Variants in ORC5 observed in about 807,000 individuals in gnomAD.
ORC5 encodes the protein protein phosphatase 1, regulatory subunit 117.
ORC5 carries 39 observed loss-of-function variants against 58.8 expected under a neutral mutation model. That is an observed-to-expected ratio of 0.66 (90% CI 0.51 to 0.87). ORC5 has a LOEUF of 0.87. Ranked by LOEUF, ORC5 falls within the 40% of genes least tolerant of loss-of-function variation. ORC5 has a pLI of 0.00. For synonymous variants in ORC5, 218 were observed against 177.6 expected (o/e 1.23, Z -1.81); for missense variants, 493 against 506.3 (o/e 0.97, Z 0.25).
intron 8 of ORC5, among the ~76,000 whole-genome samples, chr7:104,173,881 G>A (rs1404445662): frequency 1.6e-5 from 2 of 121,682 alleles, no homozygotes; most frequent in African/African-American, 6.0e-5. Flanking sequence ...GTCTCGCTCT[G>A]TCGCCCAGGC....
intron 12 of ORC5, among the ~76,000 whole-genome samples, chr7:104,151,099 T>C (rs1488744496): frequency 6.6e-6 from 1 of 152,076 alleles, no homozygotes; most frequent in Non-Finnish European, 1.5e-5. Flanking sequence ...TTGTGAATGG[T>C]ATATATGGTG....
At chr7:104,199,655 A>G (rs1308646111) in intron 3 of ORC5, among the ~76,000 whole-genome samples, 2 of 152,232 alleles carry the variant, frequency 1.3e-5, no homozygotes, top group African/African-American at 4.8e-5. Context: ...TTTTGATTTT[A>G]TAGGCTCATA....
At chr7:104,160,400 T>C (rs759987968) in intron 12 of ORC5, among the ~76,000 whole-genome samples, 6 of 152,196 alleles carry the variant, frequency 3.9e-5, no homozygotes, top group Non-Finnish European at 8.8e-5. Flanking sequence ...TGCTTTTAAA[T>C]AAATACTAGT....
At chr7:104,160,622 A>G (rs753265322) in intron 12 of ORC5, among the ~76,000 whole-genome samples, 1 of 152,084 alleles carries the variant, frequency 6.6e-6, no homozygotes, top group Admixed American at 6.6e-5. Context: ...CTGAGAACTT[A>G]ATTATTCTGG....
chr7:104,141,557 C>G (rs1205273733), intron 12 of ORC5, among the ~76,000 whole-genome samples: 1 of 152,120 alleles, frequency 6.6e-6, no homozygotes, highest in Non-Finnish European at 1.5e-5. Context: ...AATCTTTCAG[C>G]CACACAGGGA....
At chr7:104,166,663 G>T in intron 10 of ORC5, 109 bp downstream of exon 10, 2 of 632,232 alleles carry the variant, frequency 3.2e-6, no homozygotes, top group East Asian at 2.6e-5. Context: ...ATACATATTT[G>T]GCAATCTTAT....
At chr7:104,149,825 T>C (rs969561968) in intron 12 of ORC5, among the ~76,000 whole-genome samples, 6 of 152,316 alleles carry the variant, frequency 3.9e-5, no homozygotes, top group Admixed American at 2.6e-4. Flanking sequence ...TATATATTCC[T>C]TTTCCTTTGA....
chr7:104,171,160 T>C (rs1246709551), intron 8 of ORC5, among the ~76,000 whole-genome samples: 1 of 152,230 alleles, frequency 6.6e-6, no homozygotes, highest in Admixed American at 6.5e-5. Flanking sequence ...AAAATGCTTT[T>C]TAAACAAACC....
chr7:104,164,943 A>C (rs1337009335), intron 11 of ORC5, among the ~76,000 whole-genome samples: 1 of 152,146 alleles, frequency 6.6e-6, no homozygotes, highest in Non-Finnish European at 1.5e-5. Context: ...AAAAGAGGAA[A>C]ATGCCTGTAT....
rs973976243 is a variant in ORC5 at position 104,133,163 on chromosome 7, T to C, written c.1262+3618A>G. Among the ~76,000 whole-genome samples the C allele has an allele frequency of 1.3e-5, 2 of 152,196 alleles. No individual in the cohort carries two copies. Among genetic ancestry groups the C allele is most frequent in the African/African-American group, 4.8e-5 (2 of 41,424 alleles). The stretch of plus-strand genomic sequence containing the variant: ...ATGGGAAACTACTGAATATTTTTAA[T>C]GAGCAGGGTGACATTAAATTTTTAT... On this transcript the variant is annotated intron_variant, in intron 13 of 13. Transcript: ENST00000297431. This position sits in a 1 kb window ranked among gnomAD's most constrained non-coding sequence, Gnocchi z 4.7.
rs193282764 is a variant in ORC5, at chr7:104,144,048, G to A, written c.1150-7155C>T. ...GCATGAGAATTGCTTGAACCCAGGG[G>A]GTGGAGGTTGCAGTGAGCTGAGATC... is the stretch of plus-strand genomic sequence containing the variant. On this transcript the variant is annotated intron_variant, in intron 12 of 13. Coordinates refer to ENST00000297431, the MANE Select transcript of ORC5 (RefSeq NM_002553.4). Among the ~76,000 whole-genome samples the A allele has an allele frequency of 5.0e-3, 758 of 152,186 alleles. 10 individuals carry two copies. Among genetic ancestry groups the A allele is most frequent in the African/African-American group, 0.017 (703 of 41,524 alleles).
intron 4 of ORC5, among the ~76,000 whole-genome samples, chr7:104,196,218 G>A (rs962917088): frequency 3.3e-5 from 5 of 152,142 alleles, no homozygotes; most frequent in African/African-American, 9.7e-5. Context: ...AAAAAACAGG[G>A]TGATCTACAC....
intron 11 of ORC5, among the ~76,000 whole-genome samples, chr7:104,162,808 C>T (rs997738031): frequency 1.3e-5 from 2 of 152,210 alleles, no homozygotes; most frequent in East Asian, 1.9e-4. Context: ...CCTCTCCCAT[C>T]CTATTCTCCC....
At chr7:104,179,747 G>A (rs185788877) in intron 8 of ORC5, among the ~76,000 whole-genome samples, 3 of 151,844 alleles carry the variant, frequency 2.0e-5, no homozygotes, top group Non-Finnish European at 4.4e-5. Flanking sequence ...CATTTCTTGA[G>A]GTAGAGTTTT....
Position 104,129,376 on chromosome 7 carries a change from A to G in ORC5, c.1263-2483T>C, listed in dbSNP as rs999998810. On this transcript the variant is annotated intron_variant, in intron 13 of 13. Coordinates refer to ENST00000297431, the MANE Select transcript of ORC5 (RefSeq NM_002553.4). The surrounding 1 kb of genome is among the most constrained non-coding windows in gnomAD (Gnocchi z 4.9). ...TAAGTATTCATGCAAACTGAATCAT[A>G]GTAAGAGTTTTAGATTAAAAAAAAT... 6.6e-6 allele frequency among the ~76,000 whole-genome samples: 1 copy of G among 152,166 alleles called. No individual in the cohort carries two copies. Among genetic ancestry groups the G allele is most frequent in the African/African-American group, 2.4e-5 (1 of 41,442 alleles).
chr7:104,158,357 T>C (rs1241820081), intron 12 of ORC5, among the ~76,000 whole-genome samples: 2 of 152,192 alleles, frequency 1.3e-5, no homozygotes, highest in South Asian at 2.1e-4. Context: ...ACGTTAGACC[T>C]AAAACCATAA....
intron 13 of ORC5, 68 bp from the exon 14 acceptor site, chr7:104,126,961 G>C: frequency 1.8e-6 from 2 of 1,104,584 alleles, no homozygotes; most frequent in Admixed American, 4.0e-5. Flanking sequence ...TATGATTCTG[G>C]AAAGCACATG....
At chr7:104,204,439 T>C (rs1207668486) in intron 1 of ORC5, among the ~76,000 whole-genome samples, 1 of 152,232 alleles carries the variant, frequency 6.6e-6, no homozygotes, top group Non-Finnish European at 1.5e-5. Context: ...AAAATGTATG[T>C]AACATATTTG....
intron 13 of ORC5, among the ~76,000 whole-genome samples, chr7:104,135,324 T>C (rs1258703081): frequency 6.6e-6 from 1 of 152,210 alleles, no homozygotes; most frequent in African/African-American, 2.4e-5. Context: ...AAAAAATAAG[T>C]TTCTGCTCAA....
Sources: allele counts gnomAD v4.1 joint callset (sites outside exome capture counted in the v4.1 genomes callset), GRCh38; gene constraint gnomAD v4.1.1; non-coding constraint Gnocchi (gnomAD v3.1); transcripts MANE v1.5; gene names NCBI Gene and HGNC (gene_info 2026-07-23, HGNC 2026-07-21).